PCSK5: variants seen among roughly 807,000 people sequenced by gnomAD.
PCSK5 encodes proprotein convertase subtilisin/kexin type 5.
PCSK5 carries 129 observed loss-of-function variants against 233.2 expected under a neutral mutation model. That is an observed-to-expected ratio of 0.55 (90% CI 0.48 to 0.64). PCSK5 has a LOEUF of 0.64. Ranked by LOEUF, PCSK5 falls within the 30% of genes least tolerant of loss-of-function variation. The probability of loss-of-function intolerance (pLI) is 0.00; values close to 1 mark genes in which losing one functional copy is unlikely to be tolerated. For missense variants in PCSK5, 2,076 were observed against 2,430.1 expected, an observed-to-expected ratio of 0.85 and a Z score of 3.06; for synonymous variants, 825 against 879.2, an observed-to-expected ratio of 0.94 and a Z score of 1.09.
rs756579379 is a variant in PCSK5, at chr9:76,205,172, G to T, written c.2626+15426G>T. 1.7e-5 allele frequency: 9 copies of T among 518,788 alleles called. No homozygotes were observed. The East Asian group carries it at 4.9e-4, about 28-fold the overall frequency. 32.1% of individuals were successfully genotyped at this position (518,788 alleles called of 1,614,324 possible). A position where few individuals can be genotyped will look rare whatever the true frequency, so the allele number is the denominator to read the frequency against. On this transcript the variant is annotated intron_variant, in intron 20 of 37. Coordinates refer to ENST00000674117, the MANE Select transcript of PCSK5 (RefSeq NM_001372043.1). ...CCCCCACCAAAATATATAAACCTCA[G>T]TTTGCAGCTATCTCACTACTAGGTT...
At chr9:76,279,942 CT>C (rs1482028341) in intron 24 of PCSK5, among the ~76,000 whole-genome samples, 8 of 151,950 alleles carry the variant, frequency 5.3e-5, no homozygotes, top group East Asian at 1.9e-4. Flanking sequence ...TCAATTTTGT[CT>C]TTTGTTGCCA....
chr9:76,208,081 C>G (rs923141851), intron 20 of PCSK5, among the ~76,000 whole-genome samples: 1 of 152,152 alleles, frequency 6.6e-6, no homozygotes, highest in Non-Finnish European at 1.5e-5. Flanking sequence ...CTCACCGTAA[C>G]GAACCCACTT....
chr9:76,257,665 G>A (rs1281044604), intron 24 of PCSK5, among the ~76,000 whole-genome samples: 1 of 152,144 alleles, frequency 6.6e-6, no homozygotes, highest in Non-Finnish European at 1.5e-5. Context: ...AAACGCTGCG[G>A]CAAGCTGGAG....
intron 9 of PCSK5, among the ~76,000 whole-genome samples, chr9:76,126,218 A>AT (rs1832850154): frequency 6.9e-6 from 1 of 144,960 alleles, no homozygotes. Context: ...TTTTTAAAGT[A>AT]TTTTTTGTTC....
At chr9:76,276,064 C>T (rs1293109751) in intron 24 of PCSK5, among the ~76,000 whole-genome samples, 5 of 152,028 alleles carry the variant, frequency 3.3e-5, no homozygotes, top group African/African-American at 9.7e-5. Flanking sequence ...TGGACAAGGC[C>T]GCGGAGTAAT....
At chr9:76,187,423 C>T (rs1016188679) in intron 17 of PCSK5, among the ~76,000 whole-genome samples, 3 of 151,920 alleles carry the variant, frequency 2.0e-5, no homozygotes, top group Non-Finnish European at 4.4e-5. Context: ...AGCTAGAGTG[C>T]AGTGGTGTGA....
chr9:75,945,221 C>G (rs1032227602), intron 2 of PCSK5, among the ~76,000 whole-genome samples: 1 of 151,310 alleles, frequency 6.6e-6, no homozygotes, highest in African/African-American at 2.4e-5. Flanking sequence ...ATAAAAATAA[C>G]ATACGTGGAA....
At chr9:76,250,781 G>A (rs1422643080) in intron 24 of PCSK5, among the ~76,000 whole-genome samples, 2 of 152,094 alleles carry the variant, frequency 1.3e-5, no homozygotes, top group African/African-American at 2.4e-5. Flanking sequence ...AATAAATTAC[G>A]GACTTTACGT....
Position 76,344,492 on chromosome 9 carries a change from C to T in PCSK5, c.4966+6045C>T, listed in dbSNP as rs570179549. 2.6e-5 allele frequency among the ~76,000 whole-genome samples: 4 copies of T among 152,296 alleles called. No homozygotes were observed. In the South Asian group the frequency reaches 6.2e-4, roughly 24 times the overall value. Reference sequence around the variant, plus strand: ...CATTAACTACTCATTAATCTGTTATCGCTTTTTCATTCCAGAGACATATAT... The same window carrying T: ...CATTAACTACTCATTAATCTGTTATTGCTTTTTCATTCCAGAGACATATAT... On this transcript the variant is annotated intron_variant, in intron 35 of 37. Coordinates refer to ENST00000674117, the MANE Select transcript of PCSK5 (RefSeq NM_001372043.1).
At chr9:76,046,507 A>C (rs1829402950) in intron 5 of PCSK5, among the ~76,000 whole-genome samples, 1 of 141,330 alleles carries the variant, frequency 7.1e-6, no homozygotes, top group Non-Finnish European at 1.5e-5. Flanking sequence ...TGGTGTTTAG[A>C]TACTAGAGTG....
intron 24 of PCSK5, among the ~76,000 whole-genome samples, chr9:76,284,713 G>T (rs1282835784): frequency 4.0e-5 from 6 of 151,776 alleles, no homozygotes; most frequent in Non-Finnish European, 8.8e-5. Flanking sequence ...TGTATTTTTA[G>T]TAGAGACAGA....
Position 75,998,968 on chromosome 9 carries a change from G to A in PCSK5, c.411+12723G>A, listed in dbSNP as rs918641443. 5.9e-5 allele frequency among the ~76,000 whole-genome samples: 9 copies of A among 152,078 alleles called. No homozygotes were observed. In the South Asian group the frequency reaches 6.2e-4, roughly 11 times the overall value. On this transcript the variant is annotated intron_variant, in intron 3 of 37. Coordinates refer to ENST00000674117, the MANE Select transcript of PCSK5 (RefSeq NM_001372043.1). Reference sequence around the variant, plus strand: ...TATCCAGCCAGTTTTCAAATTTCCCGATCTAAAAATTTTTTCTTTGTCATT... The same window carrying A: ...TATCCAGCCAGTTTTCAAATTTCCCAATCTAAAAATTTTTTCTTTGTCATT...
chr9:76,348,536 T>C (rs1191102747), intron 35 of PCSK5, among the ~76,000 whole-genome samples: 1 of 151,604 alleles, frequency 6.6e-6, no homozygotes, highest in Non-Finnish European at 1.5e-5. Context: ...GAGCCATAAT[T>C]ACACCAAGCC....
At chr9:76,137,326 A>G (rs1587674156) in intron 10 of PCSK5, among the ~76,000 whole-genome samples, 1 of 152,112 alleles carries the variant, frequency 6.6e-6, no homozygotes, top group South Asian at 2.1e-4. Flanking sequence ...CCCTCCTTAT[A>G]AAAGCACTCT....
intron 3 of PCSK5, among the ~76,000 whole-genome samples, chr9:76,003,347 T>C (rs1238265046): frequency 6.6e-6 from 1 of 152,146 alleles, no homozygotes; most frequent in Non-Finnish European, 1.5e-5. Flanking sequence ...CACTCCAGCC[T>C]GGGCAATAGA....
At chr9:75,950,062 A>G (rs1204701417) in intron 2 of PCSK5, among the ~76,000 whole-genome samples, 2 of 137,828 alleles carry the variant, frequency 1.5e-5, no homozygotes, top group Non-Finnish European at 3.0e-5. Flanking sequence ...CTCATTCTGC[A>G]CCTTTTAAGA....
chr9:75,937,621 T>C (rs1054337783), intron 2 of PCSK5, among the ~76,000 whole-genome samples: 1 of 152,262 alleles, frequency 6.6e-6, no homozygotes, highest in African/African-American at 2.4e-5. Context: ...AGGCACCTGC[T>C]TCTTTCTAGT....
rs185570052 is a variant in PCSK5, at chr9:76,293,961, C to T, written c.3186-1314C>T. Among the ~76,000 whole-genome samples, 4 of 152,286 alleles carry T rather than the reference C, an allele frequency of 2.6e-5. 1 individual carries two copies. The highest frequency in any genetic ancestry group is 2.6e-4 in the Admixed American group (4 of 15,300). ...CCTGTAATCCCAACACTTTGGGAGG[C>T]CAAGGTGGGTGGATCACCTGAGGTC... On this transcript the variant is annotated intron_variant, in intron 25 of 37. Transcript: ENST00000674117.
At chr9:76,109,466 G>T (rs1013124355) in intron 9 of PCSK5, among the ~76,000 whole-genome samples, 1 of 147,896 alleles carries the variant, frequency 6.8e-6, no homozygotes, top group African/African-American at 2.5e-5. Flanking sequence ...TTTTAATCAC[G>T]ATTTAAGCTG....
Sources: allele counts gnomAD v4.1 joint callset (sites outside exome capture counted in the v4.1 genomes callset), GRCh38; gene constraint gnomAD v4.1.1; transcripts MANE v1.5; gene names NCBI Gene and HGNC (gene_info 2026-07-23, HGNC 2026-07-21).